The following PEAK1 variants were observed in gnomAD, a reference collection of about 807,000 sequenced individuals.
PEAK1 encodes the protein inactive tyrosine-protein kinase PEAK1.
PEAK1 carries 54 observed loss-of-function variants against 124.7 expected under a neutral mutation model. The observed-to-expected ratio is 0.43, with a 90% CI of 0.35 to 0.54. The LOEUF (loss-of-function observed/expected upper bound fraction) is 0.54. Ranked by LOEUF, PEAK1 falls within the 20% of genes least tolerant of loss-of-function variation. PEAK1 has a pLI of 0.01. For missense variants in PEAK1, 2,046 were observed against 2,134.5 expected, an observed-to-expected ratio of 0.96 and a Z score of 0.82; for synonymous variants, 719 against 760.0, an observed-to-expected ratio of 0.95 and a Z score of 0.89.
intron 9 of PEAK1, among the ~76,000 whole-genome samples, chr15:77,121,839 G>C (rs556816537): frequency 6.1e-4 from 93 of 152,256 alleles, no homozygotes; most frequent in Non-Finnish European, 1.1e-3. Flanking sequence ...GGAATGAATT[G>C]TGGAGGGACA....
At chr15:77,224,536 C>T (rs937953144) in intron 6 of PEAK1, among the ~76,000 whole-genome samples, 2 of 152,008 alleles carry the variant, frequency 1.3e-5, no homozygotes, top group Non-Finnish European at 2.9e-5. Context: ...TTTAAAAATG[C>T]TGTTTTAGAA....
Position 77,242,906 on chromosome 15 carries a change from C to A in PEAK1, c.-115+9461G>T, listed in dbSNP as rs371990223. The stretch of plus-strand genomic sequence containing the variant: ...CATTCAGAAACACTGCCTATTGTGC[C>A]TTACTCTACTTATGAAATGAAATCA... On this transcript the variant is annotated intron_variant, in intron 6 of 9. Transcript: ENST00000682557. Among the ~76,000 whole-genome samples, 4 of 152,248 alleles carry A rather than the reference C, an allele frequency of 2.6e-5. No homozygotes were observed. In the East Asian group the frequency reaches 5.8e-4, roughly 22 times the overall value.
intron 6 of PEAK1, among the ~76,000 whole-genome samples, chr15:77,225,298 T>C (rs1044324748): frequency 1.3e-5 from 2 of 151,980 alleles, no homozygotes; most frequent in African/African-American, 4.8e-5. Context: ...TGCAATTGCA[T>C]TGTATTTGTC....
intron 6 of PEAK1, among the ~76,000 whole-genome samples, chr15:77,201,100 G>A (rs906651582): frequency 6.6e-6 from 1 of 151,890 alleles, no homozygotes; most frequent in African/African-American, 2.4e-5. Context: ...TTGAGTTCAA[G>A]CAACTCAAGA....
At chr15:77,151,136 A>C (rs2054588138) in intron 8 of PEAK1, among the ~76,000 whole-genome samples, 1 of 152,140 alleles carries the variant, frequency 6.6e-6, no homozygotes. Flanking sequence ...CCAACAGTGT[A>C]AAAGTGTTCC....
At chr15:77,207,444 G>A (rs114779810) in intron 6 of PEAK1, among the ~76,000 whole-genome samples, 1,769 of 152,190 alleles carry the variant, frequency 0.012, 44 homozygotes, top group African/African-American at 0.04. Context: ...GAAAGTGAAT[G>A]GACAAACTGT....
At chr15:77,136,900 G>C (rs1441969050) in intron 8 of PEAK1, among the ~76,000 whole-genome samples, 1 of 152,196 alleles carries the variant, frequency 6.6e-6, no homozygotes, top group Non-Finnish European at 1.5e-5. Context: ...TCAGAGGCCC[G>C]AAGGCCTAGG....
At chr15:77,361,356 C>CTTGA (rs1172515827) in intron 2 of PEAK1, among the ~76,000 whole-genome samples, 2 of 152,252 alleles carry the variant, frequency 1.3e-5, no homozygotes, top group African/African-American at 4.8e-5. Context: ...AGGAGGATTG[C>CTTGA]TTGAGCCCAG....
At chr15:77,341,940 CTTTA>C (rs904476311) in intron 2 of PEAK1, among the ~76,000 whole-genome samples, 3 of 151,976 alleles carry the variant, frequency 2.0e-5, no homozygotes, top group Non-Finnish European at 4.4e-5. Context: ...AAAATTAAGA[CTTTA>C]TTTTTTAGAA....
intron 2 of PEAK1, among the ~76,000 whole-genome samples, chr15:77,313,648 ATGTATGTGTGTGTG>A (rs1210517186): frequency 5.7e-5 from 5 of 87,634 alleles, no homozygotes; most frequent in Admixed American, 1.2e-4. Flanking sequence ...GTATGTATGT[ATGTATGTGTGTGTG>A]TGTGTGTGTG....
Position 77,108,726 on chromosome 15 carries a change from T to C in PEAK1, c.*5430A>G, listed in dbSNP as rs1460059434. ...ACAACAATATTCGTAGCAAAATATA[T>C]GACTCTGTACTTCTGCTAGGTTAAA... On this transcript the variant is annotated 3_prime_UTR_variant, in exon 10 of 10. Transcript: ENST00000682557. The C allele has an allele frequency of 6.6e-6, 1 of 152,208 alleles. No individual in the cohort carries two copies. The highest frequency in any genetic ancestry group is 1.5e-5 in the Non-Finnish European group (1 of 68,040). The allele number at this position is 152,208 out of a possible 1,614,324, so 9.4% of individuals were successfully genotyped here.
intron 9 of PEAK1, among the ~76,000 whole-genome samples, chr15:77,129,867 A>C (rs984208928): frequency 5.3e-4 from 80 of 152,300 alleles, no homozygotes; most frequent in African/African-American, 1.9e-3. Context: ...AGATAAACAG[A>C]AAAAGTTGTT....
In PEAK1 at chr15:77,220,340, A is replaced by G. The variant is rs1394283055; in HGVS notation, c.-115+32027T>C. On this transcript the variant is annotated intron_variant, in intron 6 of 9. Transcript: ENST00000682557. ...CTTCAAGGCATTTCAGAAAAAATTA[A>G]ATGTCTTTTAAAAGTTGCCTTCTTA... is the stretch of plus-strand genomic sequence containing the variant. 2.0e-5 allele frequency among the ~76,000 whole-genome samples: 3 copies of G among 151,986 alleles called. No homozygotes were observed. In the East Asian group the frequency reaches 5.8e-4, roughly 29 times the overall value.
upstream of PEAK1, chr15:77,420,206 C>G (rs1386256967): frequency 6.6e-6 from 1 of 150,782 alleles, no homozygotes; most frequent in African/African-American, 2.4e-5. Context: ...CTCTCGGCCC[C>G]GCGCGCCGCC....
chr15:77,349,498 T>C (rs1431781702), intron 2 of PEAK1: 2 of 985,036 alleles, frequency 2.0e-6, no homozygotes, highest in Non-Finnish European at 2.4e-6. Flanking sequence ...GCTCAATTGA[T>C]ATTGGCTTAA....
chr15:77,277,136 T>G (rs1243446512), intron 5 of PEAK1, among the ~76,000 whole-genome samples: 1 of 152,146 alleles, frequency 6.6e-6, no homozygotes, highest in Non-Finnish European at 1.5e-5. Context: ...GAAAACTAAC[T>G]ATATCAGCAA....
chr15:77,348,809 G>GCC, intron 2 of PEAK1: 3 of 744,448 alleles, frequency 4.0e-6, no homozygotes, highest in Non-Finnish European at 4.9e-6. Context: ...GGGGGAGGGG[G>GCC]CGGGCAGGTG....
intron 2 of PEAK1, among the ~76,000 whole-genome samples, chr15:77,293,020 T>G (rs918735028): frequency 2.0e-5 from 3 of 152,160 alleles, no homozygotes; most frequent in African/African-American, 7.2e-5. Flanking sequence ...ACCAGTCTTC[T>G]GCTGTATTAC....
chr15:77,402,130 CAG>C (rs1426244834), intron 1 of PEAK1: 1 of 927,502 alleles, frequency 1.1e-6, no homozygotes, highest in East Asian at 1.2e-4. Context: ...ACCCGGGAGG[CAG>C]AGGTTGTAGT....
Sources: allele counts gnomAD v4.1 joint callset (sites outside exome capture counted in the v4.1 genomes callset), GRCh38; gene constraint gnomAD v4.1.1; transcripts MANE v1.5; gene names NCBI Gene and HGNC (gene_info 2026-07-23, HGNC 2026-07-21).